The following CFTR variants were observed in gnomAD, a reference collection of about 807,000 sequenced individuals.
CFTR encodes cystic fibrosis transmembrane conductance regulator.
Under a neutral mutation model 171.6 loss-of-function variants are expected in CFTR, and 181 were observed. The observed-to-expected ratio is 1.05, with a 90% CI of 0.93 to 1.19. The LOEUF (loss-of-function observed/expected upper bound fraction) is 1.19. Ranked by LOEUF, CFTR falls within the 50% of genes most tolerant of loss-of-function variation. CFTR has a pLI of 0.00. For synonymous variants in CFTR, 583 were observed against 608.0 expected (o/e 0.96, Z 0.60); for missense variants, 1,968 against 1,734.7 (o/e 1.13, Z -2.39).
intron 23 of CFTR, among the ~76,000 whole-genome samples, chr7:117,648,126 C>A (rs35239381): frequency 6.8e-6 from 1 of 147,918 alleles, no homozygotes; most frequent in African/African-American, 2.5e-5. Flanking sequence ...CATTATTTAC[C>A]TACCTACTGT....
At chr7:117,607,412 G>A (rs1792316017) in intron 18 of CFTR, among the ~76,000 whole-genome samples, 1 of 152,124 alleles carries the variant, frequency 6.6e-6, no homozygotes, top group Non-Finnish European at 1.5e-5. Context: ...GGGGAGTGGA[G>A]GAGGTGAAAG....
At chr7:117,529,926 C>T (rs550072386) in intron 3 of CFTR, among the ~76,000 whole-genome samples, 21 of 152,012 alleles carry the variant, frequency 1.4e-4, no homozygotes, top group Non-Finnish European at 2.4e-4. Flanking sequence ...TTTACTAAAT[C>T]GTTATAAAAC....
chr7:117,598,302 T>G (rs1203277259), intron 15 of CFTR, among the ~76,000 whole-genome samples: 1 of 152,184 alleles, frequency 6.6e-6, no homozygotes, highest in Non-Finnish European at 1.5e-5. Context: ...TGTCCTAATA[T>G]AAAACCTAAA....
chr7:117,611,142 C>T (rs1220113664), intron 19 of CFTR, among the ~76,000 whole-genome samples: 2 of 152,256 alleles, frequency 1.3e-5, no homozygotes, highest in East Asian at 3.9e-4. Context: ...TTTGCAGTGA[C>T]AGCCTTAGTG....
intron 1 of CFTR, among the ~76,000 whole-genome samples, chr7:117,492,311 A>G (rs1798172078): frequency 6.6e-6 from 1 of 151,914 alleles, no homozygotes; most frequent in Non-Finnish European, 1.5e-5. Context: ...GCACCCTCAC[A>G]TTTGCATTGC....
chr7:117,657,413 G>C (rs1562927222), intron 24 of CFTR, among the ~76,000 whole-genome samples: 1 of 152,144 alleles, frequency 6.6e-6, no homozygotes, highest in Non-Finnish European at 1.5e-5. Flanking sequence ...TTTTTGTTGA[G>C]TAGTAGTGTG....
At chr7:117,588,091 T>C (rs1791972669) in intron 12 of CFTR, among the ~76,000 whole-genome samples, 1 of 152,060 alleles carries the variant, frequency 6.6e-6, no homozygotes, top group African/African-American at 2.4e-5. Context: ...ATAGTATAGT[T>C]TACTACAAAT....
At chr7:117,511,405 A>G (rs2116644846) in intron 3 of CFTR, among the ~76,000 whole-genome samples, 1 of 152,334 alleles carries the variant, frequency 6.6e-6, no homozygotes, top group Non-Finnish European at 1.5e-5. Context: ...ATATCCCAGC[A>G]AAAGAGATCG....
At chr7:117,660,664 A>ATG (rs1241890180) in intron 24 of CFTR, among the ~76,000 whole-genome samples, 2 of 146,148 alleles carry the variant, frequency 1.4e-5, no homozygotes, top group Admixed American at 1.4e-4. Flanking sequence ...TTGGGGATAT[A>ATG]TATGTGTGTG....
intron 21 of CFTR, among the ~76,000 whole-genome samples, chr7:117,622,524 T>C (rs1792599668): frequency 6.6e-6 from 1 of 152,184 alleles, no homozygotes; most frequent in African/African-American, 2.4e-5. Context: ...TGTGCCAGTT[T>C]TCTAGATGAC....
intron 3 of CFTR, among the ~76,000 whole-genome samples, chr7:117,522,927 G>C (rs544427890): frequency 3.9e-5 from 6 of 152,162 alleles, no homozygotes; most frequent in Non-Finnish European, 7.4e-5. Context: ...ACTATAGAAG[G>C]GGTGGGGTTT....
chr7:117,522,804 G>A (rs1798704056), intron 3 of CFTR, among the ~76,000 whole-genome samples: 1 of 152,054 alleles, frequency 6.6e-6, no homozygotes, highest in African/African-American at 2.4e-5. Flanking sequence ...CATAGGTTAA[G>A]CTAGGTATCA....
rs1247517259 is a variant in CFTR, at chr7:117,642,651, TTG to T, written c.3873+59_3873+60del. 9.7e-6 allele frequency: 15 copies of T among 1,540,662 alleles called. No homozygotes were observed. The East Asian group carries it at 3.0e-4, about 31-fold the overall frequency. On this transcript the variant is annotated intron_variant, in intron 23 of 26. Transcript: ENST00000003084. ...ACTAAATTATATTTTTTACTGCTAT[TTG>T]ATACTTGTACTCAAGAAATTCATAT... is the stretch of plus-strand genomic sequence containing the variant.
intron 1 of CFTR, among the ~76,000 whole-genome samples, chr7:117,483,437 C>T (rs1465990933): frequency 6.6e-6 from 1 of 152,094 alleles, no homozygotes; most frequent in Non-Finnish European, 1.5e-5. Flanking sequence ...ATCACAAAAT[C>T]AAATTCACTC....
At chr7:117,553,246 CAT>C (rs1491078259) in intron 10 of CFTR, among the ~76,000 whole-genome samples, 2 of 152,018 alleles carry the variant, frequency 1.3e-5, no homozygotes, top group Non-Finnish European at 2.9e-5. Context: ...CACACACACA[CAT>C]GCACACACAT....
intron 1 of CFTR, among the ~76,000 whole-genome samples, chr7:117,489,448 C>A (rs1176080274): frequency 2.0e-5 from 3 of 152,054 alleles, no homozygotes; most frequent in African/African-American, 7.2e-5. Flanking sequence ...TAACCAATAT[C>A]ACCTTAAAGC....
intron 11 of CFTR, among the ~76,000 whole-genome samples, chr7:117,566,126 A>G (rs1791597714): frequency 6.6e-6 from 1 of 152,110 alleles, no homozygotes; most frequent in Non-Finnish European, 1.5e-5. Context: ...GCCAAGATAT[A>G]ATGGACATCT....
Position 117,668,206 on chromosome 7 carries a change from T to C in CFTR, c.*1098T>C, listed in dbSNP as rs1483523396. The stretch of plus-strand genomic sequence containing the variant: ...TTTATATGCTTCTGTTTTATAATTT[T>C]GTGAAGCAAAATTTTTTCTCTAGGA... On this transcript the variant is annotated 3_prime_UTR_variant, in exon 27 of 27. Transcript: ENST00000003084. 6.6e-6 allele frequency: 1 copy of C among 152,238 alleles called. No homozygotes were observed. Among genetic ancestry groups the C allele is most frequent in the South Asian group, 2.1e-4 (1 of 4,832 alleles). The allele number at this position is 152,238 out of a possible 1,614,324, so 9.4% of individuals were successfully genotyped here. A position where few individuals can be genotyped will look rare whatever the true frequency, so the allele number is the denominator to read the frequency against.
chr7:117,542,665 A>G (rs1427712213), intron 9 of CFTR, among the ~76,000 whole-genome samples: 2 of 152,222 alleles, frequency 1.3e-5, no homozygotes, highest in Admixed American at 6.5e-5. Flanking sequence ...TCAGGAAATA[A>G]TACAGAGATC....
Sources: gnomAD v4.1 joint callset for allele counts (sites outside exome capture counted in the v4.1 genomes callset) on GRCh38, gnomAD v4.1.1 for gene constraint, MANE v1.5 for transcripts, NCBI Gene and HGNC (gene_info 2026-07-23, HGNC 2026-07-21) for gene names.